The following CLUH variants were observed in gnomAD, a reference collection of about 807,000 sequenced individuals.
CLUH encodes the protein CLUH binding protein of NUMT mRNA, also known as clustered mitochondria protein homolog.
Under a neutral mutation model 139.3 loss-of-function variants are expected in CLUH, and 77 were observed. That is an observed-to-expected ratio of 0.55 (90% CI 0.46 to 0.67). CLUH has a LOEUF of 0.67. Among genes scored for constraint, CLUH ranks in the 30% least tolerant of loss-of-function variants. CLUH has a pLI of 0.00. For missense variants in CLUH, 1,876 were observed against 1,875.8 expected, an observed-to-expected ratio of 1.00 and a Z score of 0.00; for synonymous variants, 999 against 801.6, an observed-to-expected ratio of 1.25 and a Z score of -4.16.
In CLUH at chr17:2,690,247, C is replaced by T. The variant is rs770462628; in HGVS notation, c.*347G>A. 2.9e-4 allele frequency: 78 copies of T among 269,166 alleles called. 1 individual carries two copies. The highest frequency in any genetic ancestry group is 4.3e-4 in the Non-Finnish European group (62 of 143,370). The allele number at this position is 269,166 out of a possible 1,614,324, so 16.7% of individuals were successfully genotyped here. ...ACTCAGGACTGGCTCGGGCTATGTA[C>T]AGGGGAGAGGAACGGTCAACACTCA... On this transcript the variant is annotated 3_prime_UTR_variant, in exon 26 of 26. Transcript: ENST00000651024.
rs1362801074 is a variant in CLUH at position 2,694,581 on chromosome 17, G to A, written c.2853-17C>T. Reference sequence around the variant, plus strand: ...ACGGTCTCACTGAGGAGGGAGCAGGGGGCCTGAGCAGCCCAAGCACCGCCG... The same window carrying A: ...ACGGTCTCACTGAGGAGGGAGCAGGAGGCCTGAGCAGCCCAAGCACCGCCG... On this transcript the variant is annotated splice_polypyrimidine_tract_variant and intron_variant, in intron 16 of 25. Coordinates refer to ENST00000651024, the MANE Select transcript of CLUH (RefSeq NM_001366661.1). 9.0e-6 allele frequency: 14 copies of A among 1,561,588 alleles called. No individual in the cohort carries two copies. The South Asian group carries it at 1.5e-4, about 17-fold the overall frequency.
Position 2,704,445 on chromosome 17 carries a change from T to C in CLUH, c.220A>G (p.Thr74Ala). The change falls in exon 2 of 26, where the codon ACC (threonine) becomes GCC (alanine). Residue 74 changes from threonine to alanine, a missense_variant. By Grantham distance (58) the Thr-to-Ala change is moderately conservative. Coordinates refer to ENST00000651024, the MANE Select transcript of CLUH (RefSeq NM_001366661.1). The surrounding 1 kb of genome is among the most constrained non-coding windows in gnomAD (Gnocchi z 5.7). ...LDEAGPGDET[T>A]GQEVIVIQDT... ...TGAATGACAATGACTTCCTGGCCGG[T>C]GGTCTCATCTCCCGGGCCGGCCTCG... is the stretch of plus-strand genomic sequence containing the variant. 1 of 1,608,248 alleles carries C rather than the reference T, an allele frequency of 6.2e-7. No homozygotes were observed. The highest frequency in any genetic ancestry group is 8.5e-7 in the Non-Finnish European group (1 of 1,177,608).
chr17:2,708,795 G>A (rs1274663660), intron 1 of CLUH, among the ~76,000 whole-genome samples: 1 of 150,998 alleles, frequency 6.6e-6, no homozygotes, highest in Admixed American at 6.6e-5. Context: ...ACCCCCTCCC[G>A]AGGGGCCCGG....
chr17:2,701,886 C>G (rs1421628370), intron 4 of CLUH, 28 bp downstream of exon 4: 4 of 1,612,580 alleles, frequency 2.5e-6, no homozygotes, highest in Non-Finnish European at 3.4e-6. Flanking sequence ...CCCTTTGGCC[C>G]AATCCCCGGC....
At chr17:2,692,893 G>A in intron 19 of CLUH, 33 bp from the exon 20 acceptor site, 2 of 1,546,372 alleles carry the variant, frequency 1.3e-6, no homozygotes, top group Non-Finnish European at 1.7e-6. Context: ...GCCGCGGCGT[G>A]GGAACCCCCA....
chr17:2,698,096 G>A lies in CLUH; in HGVS notation c.1761C>T (p.Val587=), dbSNP rs758105070. 1.4e-5 allele frequency: 23 copies of A among 1,603,634 alleles called. No homozygotes were observed. The Middle Eastern group carries it at 6.6e-4, about 46-fold the overall frequency. The part of the protein sequence containing the change: ...RDEEVELCSS[V]ECKGIIGNDG... ...CGTTGCCAATGATGCCCTTGCACTCGACCGAGGAGCAGAGCTCCACCTCCT... is the reference window on the plus strand; with the variant it reads ...CGTTGCCAATGATGCCCTTGCACTCAACCGAGGAGCAGAGCTCCACCTCCT... The change falls in exon 10 of 26, where the codon GTC becomes GTT. Residue 587 remains valine, a synonymous_variant. Transcript: ENST00000651024.
At chr17:2,708,881 A>T (rs2070430368) in intron 1 of CLUH, among the ~76,000 whole-genome samples, 2 of 147,124 alleles carry the variant, frequency 1.4e-5, no homozygotes, top group African/African-American at 5.0e-5. Flanking sequence ...GAGCAGAACT[A>T]TCCCAGTCAC....
intron 3 of CLUH, among the ~76,000 whole-genome samples, chr17:2,702,822 TTTG>T (rs1012206415): frequency 6.6e-6 from 1 of 151,998 alleles, no homozygotes; most frequent in African/African-American, 2.4e-5. Context: ...GCTCTGTTCT[TTTG>T]TTTTGTTTTT....
chr17:2,698,242 T>C lies in CLUH; in HGVS notation c.1615A>G (p.Ile539Val), dbSNP rs770080040. ...TTGCCGAAGTCGATGGAGCCGTAGA[T>C]GACGCTCTGCTCCTGGTCCCGCTCC... ...ILERDQEQSV[I>V]YGSIDFGKTV... Residue 539 changes from isoleucine to valine, a missense_variant, in exon 10 of 26, where the codon ATC becomes GTC. Transcript: ENST00000651024. 2 of 1,602,006 alleles carry C rather than the reference T, an allele frequency of 1.2e-6. No individual in the cohort carries two copies. Among genetic ancestry groups the C allele is most frequent in the Admixed American group, 3.4e-5 (2 of 58,366 alleles).
chr17:2,701,978 G>A lies in CLUH; in HGVS notation c.555C>T (p.Ala185=), dbSNP rs905143871. The A allele has an allele frequency of 4.3e-6, 7 of 1,613,914 alleles. No homozygotes were observed. Among genetic ancestry groups the A allele is most frequent in the Non-Finnish European group, 5.9e-6 (7 of 1,179,924 alleles). ...DLLKSLDPSD[A]FNGVDCNSLS... ...AGGAGTTGCAGTCAACCCCGTTGAA[G>A]GCATCGGATGGGTCCAGGCTCTTGA... The change falls in exon 4 of 26, where the codon GCC becomes GCT. Residue 185 remains alanine (A), a synonymous_variant. Transcript: ENST00000651024.
Position 2,696,823 on chromosome 17 carries a change from T to C in CLUH, c.2081A>G (p.Asp694Gly), listed in dbSNP as rs777773386. 1.2e-6 allele frequency: 2 copies of C among 1,613,534 alleles called. No individual in the cohort carries two copies. Among genetic ancestry groups the C allele is most frequent in the Non-Finnish European group, 1.7e-6 (2 of 1,179,872 alleles). Residue 694 changes from aspartate to glycine, a missense_variant, in exon 11 of 26, where the codon GAT becomes GGT. By Grantham distance (94) the Asp-to-Gly change is moderately conservative. This residue lies in a region of CLUH where 1,454 missense variants were observed against 1,384.4 expected (regional missense o/e 1.05). Coordinates refer to ENST00000651024, the MANE Select transcript of CLUH (RefSeq NM_001366661.1). ...GPSSLESKSE[D>G]PPGQEAGSEE... ...ACTTCCCGCCTCCTGTCCTGGAGGA[T>C]CCTCAGACTTGGACTCCAAGGAGGA...
Position 2,698,167 on chromosome 17 carries a change from G to C in CLUH, c.1690C>G (p.Arg564Gly). The C allele has an allele frequency of 6.3e-7, 1 of 1,574,932 alleles. No homozygotes were observed. The highest frequency in any genetic ancestry group is 8.6e-7 in the Non-Finnish European group (1 of 1,161,362). The change falls in exon 10 of 26, where the codon CGG (arginine) becomes GGG (glycine). Residue 564 changes from arginine to glycine, a missense_variant. This residue lies in a region of CLUH where 1,454 missense variants were observed against 1,384.4 expected (regional missense o/e 1.05). Transcript: ENST00000651024. ...TGGTGCCGCAGGATCTTGAGGGGCC[G>C]ACTCGTGCGCTCCAGCAGCTCCAGG... ...RYLELLERTS[R>G]PLKILRHQVL...
rs779264323 is a variant in CLUH at position 2,694,115 on chromosome 17, C to CCACA, written c.3091+4_3091+7dup. The CCACA allele has an allele frequency of 1.2e-6, 2 of 1,613,892 alleles. No individual in the cohort carries two copies. The highest frequency in any genetic ancestry group is 1.7e-6 in the Non-Finnish European group (2 of 1,179,854). ...CCCACCTCCACCCAGCCCCACCTGG[C>CCACA]CACACACCCTGCTGCACTTTGGCCT... On this transcript the variant is annotated splice_region_variant and intron_variant, in intron 18 of 25. Coordinates refer to ENST00000651024, the MANE Select transcript of CLUH (RefSeq NM_001366661.1).
intron 9 of CLUH, among the ~76,000 whole-genome samples, chr17:2,700,126 C>T (rs1481937764): frequency 2.0e-5 from 3 of 152,262 alleles, no homozygotes; most frequent in Admixed American, 2.0e-4. Context: ...CGGCCCTGGA[C>T]ACTCAGTCCC....
rs749861104 is a variant in CLUH at position 2,704,126 on chromosome 17, C to T, written c.303+236G>A. ...TCCCAGCCACTATCACTCCCCTCCCCACATAGGGCTGGCAGGCCCAGCTGG... is the reference window on the plus strand; with the variant it reads ...TCCCAGCCACTATCACTCCCCTCCCTACATAGGGCTGGCAGGCCCAGCTGG... On this transcript the variant is annotated intron_variant, in intron 2 of 25. Transcript: ENST00000651024. The surrounding 1 kb of genome is among the most constrained non-coding windows in gnomAD (Gnocchi z 5.7). Among the ~76,000 whole-genome samples, 1 of 152,210 alleles carries T rather than the reference C, an allele frequency of 6.6e-6. No individual in the cohort carries two copies. The highest frequency in any genetic ancestry group is 2.4e-5 in the African/African-American group (1 of 41,442).
chr17:2,700,990 G>C (rs572468757), intron 7 of CLUH, 150 bp downstream of exon 7: 2 of 1,453,008 alleles, frequency 1.4e-6, no homozygotes, highest in Non-Finnish European at 9.2e-7. Flanking sequence ...CTGCTGTCTC[G>C]GCACTGGCCG....
chr17:2,695,493 C>T lies in CLUH; in HGVS notation c.2425G>A (p.Val809Met), dbSNP rs368772841. The T allele has an allele frequency of 2.4e-5, 38 of 1,607,506 alleles. No homozygotes were observed. Among genetic ancestry groups the T allele is most frequent in the Middle Eastern group, 1.7e-4 (1 of 6,060 alleles). The change falls in exon 14 of 26, where the codon GTG (valine) becomes ATG (methionine). Residue 809 changes from valine (V) to methionine (M), a missense_variant. By Grantham distance (21) the Val-to-Met change is conservative. This residue lies in a region of CLUH where 1,454 missense variants were observed against 1,384.4 expected (regional missense o/e 1.05). Transcript: ENST00000651024. ...ACCTCTGCCAGCGTTGCCCCGTCCA[C>T]GGGCAGGACCGCGTGCTCCATGCAG... ...KDCMEHAVLP[V>M]DGATLAEVMR...
intron 17 of CLUH, 68 bp downstream of exon 17, chr17:2,694,412 G>C: frequency 1.3e-6 from 2 of 1,530,492 alleles, no homozygotes; most frequent in Admixed American, 2.0e-5. Flanking sequence ...CCAGGAGTGG[G>C]AGCCTGCAGC....
chr17:2,707,072 T>A lies in CLUH; in HGVS notation c.101-2508A>T, dbSNP rs893622687. 1.6e-6 allele frequency: 1 copy of A among 638,238 alleles called. No individual in the cohort carries two copies. Among genetic ancestry groups the A allele is most frequent in the African/African-American group, 2.0e-5 (1 of 50,540 alleles). 39.5% of individuals were successfully genotyped at this position (638,238 alleles called of 1,614,324 possible). On this transcript the variant is annotated intron_variant, in intron 1 of 25. Coordinates refer to ENST00000651024, the MANE Select transcript of CLUH (RefSeq NM_001366661.1). This position sits in a 1 kb window ranked among gnomAD's most constrained non-coding sequence, Gnocchi z 7.4. ...CCCAGGACAGCATGTTTTACCCTAA[T>A]CCTTCCTCCTAGGAACCCCGAAGGT...
Sources: allele counts gnomAD v4.1 joint callset (sites outside exome capture counted in the v4.1 genomes callset), GRCh38; gene constraint gnomAD v4.1.1; regional missense constraint gnomAD v4.1.1; non-coding constraint Gnocchi (gnomAD v3.1); transcripts MANE v1.5; gene names NCBI Gene and HGNC (gene_info 2026-07-23, HGNC 2026-07-21).